Variants in ANKRD62 observed in about 807,000 individuals in gnomAD.
ANKRD62 encodes the protein ankyrin repeat domain 62, also known as ankyrin repeat domain-containing protein 62.
ANKRD62 carries 61 observed loss-of-function variants against 98.8 expected under a neutral mutation model. The ratio of observed to expected loss-of-function variants is 0.62; its 90% CI spans 0.50 to 0.76. ANKRD62 has a LOEUF of 0.76. Among genes scored for constraint, ANKRD62 ranks in the 30% least tolerant of loss-of-function variants. The pLI is 0.00. For synonymous variants in ANKRD62, 341 were observed against 367.9 expected (o/e 0.93, Z 0.84); for missense variants, 933 against 1,082.9 (o/e 0.86, Z 1.94).
chr18:12,122,253 A>G, intron 10 of ANKRD62, 50 bp from the exon 11 acceptor site: 1 of 1,380,034 alleles, frequency 7.2e-7, no homozygotes, highest in African/African-American at 1.5e-5. Flanking sequence ...CTTTATATTT[A>G]AAAACCTACT....
chr18:12,133,025 A>C (rs1910028797), downstream of ANKRD62, among the ~76,000 whole-genome samples: 1 of 152,036 alleles, frequency 6.6e-6, no homozygotes, highest in African/African-American at 2.4e-5. Context: ...CATTTCTAGA[A>C]TTTTTTCATC....
At chr18:12,157,412 C>T in the ANKRD62 span, among the ~76,000 whole-genome samples, 1 of 152,124 alleles carries the variant, frequency 6.6e-6, no homozygotes, top group Non-Finnish European at 1.5e-5. Flanking sequence ...TTACTAATTT[C>T]AACAGATTTT....
In ANKRD62 at chr18:12,125,650, A is replaced by G. The variant is rs1405302902; in HGVS notation, c.1829A>G (p.Asn610Ser). 6.5e-7 allele frequency: 1 copy of G among 1,531,622 alleles called. No individual in the cohort carries two copies. The highest frequency in any genetic ancestry group is 1.2e-5 in the South Asian group (1 of 82,770). The allele number at this position is 1,531,622 out of a possible 1,614,324, so 94.9% of individuals were successfully genotyped here. A position where few individuals can be genotyped will look rare whatever the true frequency, so the allele number is the denominator to read the frequency against. ...NEDLEKTLKR[N>S]EEALTKTITR... ...GACCTTGAAAAGACTCTCAAGCGGAATGAGGAAGCATTAACAAAAACAATA... is the reference window on the plus strand; with the variant it reads ...GACCTTGAAAAGACTCTCAAGCGGAGTGAGGAAGCATTAACAAAAACAATA... The change falls in exon 13 of 14, where the codon AAT (asparagine) becomes AGT (serine). Residue 610 changes from asparagine to serine, a missense_variant. By Grantham distance (46) the Asn-to-Ser change is conservative (BLOSUM62 1). Around this residue, in one of 3 missense-constraint regions of ANKRD62, gnomAD observed 362 missense variants for 434.5 expected, o/e 0.83. Transcript: ENST00000587848.
the ANKRD62 span, among the ~76,000 whole-genome samples, chr18:12,175,876 G>T: frequency 1.3e-5 from 2 of 151,786 alleles, no homozygotes; most frequent in South Asian, 4.1e-4. Context: ...TCAATCTCAG[G>T]ATGCTCTTTA....
the ANKRD62 span, among the ~76,000 whole-genome samples, chr18:12,167,380 G>A: frequency 2.0e-5 from 3 of 152,100 alleles, no homozygotes; most frequent in African/African-American, 7.2e-5. Context: ...GTGAGAACAT[G>A]TGGTGTTTGG....
the ANKRD62 span, among the ~76,000 whole-genome samples, chr18:12,162,120 T>G: frequency 3.3e-5 from 5 of 152,106 alleles, no homozygotes; most frequent in Non-Finnish European, 7.4e-5. Flanking sequence ...GTAGTTTTAT[T>G]AATTTATGTT....
At chr18:12,107,524 T>A in intron 8 of ANKRD62, 57 bp downstream of exon 8, 1 of 1,265,202 alleles carries the variant, frequency 7.9e-7, no homozygotes. Context: ...ATAAAATGAA[T>A]TCTAATTTGG....
At position 12,120,641 on chromosome 18, in the gene ANKRD62, A is replaced by G. The variant is rs189117696; in HGVS notation, c.1241-1662A>G. Among the ~76,000 whole-genome samples the G allele has an allele frequency of 2.6e-5, 4 of 152,264 alleles. No homozygotes were observed. In the East Asian group the frequency reaches 5.8e-4, roughly 22 times the overall value. ...AGTTTCATTTATAATGTGATATTCA[A>G]TATAGTTGTTTGTCTGTCATTGTGC... On this transcript the variant is annotated intron_variant, in intron 10 of 13. Transcript: ENST00000587848.
Position 12,110,381 on chromosome 18 carries a change from A to G in ANKRD62, c.1064+2914A>G, listed in dbSNP as rs539226657. On this transcript the variant is annotated intron_variant, in intron 8 of 13. Coordinates refer to ENST00000587848, the MANE Select transcript of ANKRD62 (RefSeq NM_001277333.2). Reference sequence around the variant, plus strand: ...AGCAAAATGATAATCACTTTTATATAATCTAGAAATGCTCTATAATTTTAT... The same window carrying G: ...AGCAAAATGATAATCACTTTTATATGATCTAGAAATGCTCTATAATTTTAT... Among the ~76,000 whole-genome samples the G allele has an allele frequency of 2.0e-5, 3 of 152,330 alleles. No individual in the cohort carries two copies. In the East Asian group the frequency reaches 5.8e-4, roughly 29 times the overall value.
chr18:12,101,798 A>G (rs1909305111), intron 6 of ANKRD62, among the ~76,000 whole-genome samples: 1 of 152,208 alleles, frequency 6.6e-6, no homozygotes, highest in African/African-American at 2.4e-5. Flanking sequence ...CAGTCTCACA[A>G]TTTCTTAGTC....
intron 10 of ANKRD62, among the ~76,000 whole-genome samples, chr18:12,122,011 A>G (rs1909792259): frequency 6.6e-6 from 1 of 152,140 alleles, no homozygotes; most frequent in Non-Finnish European, 1.5e-5. Context: ...AGCCAAGTAT[A>G]GGTCAGATCC....
chr18:12,153,944 T>C, the ANKRD62 span, among the ~76,000 whole-genome samples: 1 of 152,136 alleles, frequency 6.6e-6, no homozygotes, highest in African/African-American at 2.4e-5. Context: ...ACACCATACA[T>C]ACAAGTCAAC....
Position 12,122,448 on chromosome 18 carries a change from A to G in ANKRD62, c.1386A>G (p.Glu462=). The change falls in exon 11 of 14, where the codon GAA becomes GAG. Residue 462 remains glutamate, a synonymous_variant. Transcript: ENST00000587848. The part of the protein sequence containing the change: ...NISVLQKVLS[E]TDKTKSQSEH... Reference sequence around the variant, plus strand: ...GCGTACTACAAAAGGTACTATCTGAAACAGACAAAACCAAATCACAGTCAG... The same window carrying G: ...GCGTACTACAAAAGGTACTATCTGAGACAGACAAAACCAAATCACAGTCAG... 1 of 1,535,522 alleles carries G rather than the reference A, an allele frequency of 6.5e-7. No homozygotes were observed. The highest frequency in any genetic ancestry group is 8.7e-7 in the Non-Finnish European group (1 of 1,146,698).
chr18:12,096,192 G>T lies in ANKRD62; in HGVS notation c.508-4G>T. 6.6e-7 allele frequency: 1 copy of T among 1,512,300 alleles called. No individual in the cohort carries two copies. The highest frequency in any genetic ancestry group is 8.9e-7 in the Non-Finnish European group (1 of 1,129,794). 93.7% of individuals were successfully genotyped at this position (1,512,300 alleles called of 1,614,324 possible). ...AATTATAAATTGTTTTTGCTGTTTT[G>T]CAGGATGGACATACATCACTTTTAC... On this transcript the variant is annotated splice_region_variant and splice_polypyrimidine_tract_variant and intron_variant, in intron 3 of 13. Coordinates refer to ENST00000587848, the MANE Select transcript of ANKRD62 (RefSeq NM_001277333.2).
chr18:12,167,643 A>G, the ANKRD62 span, among the ~76,000 whole-genome samples: 12 of 152,302 alleles, frequency 7.9e-5, no homozygotes, highest in African/African-American at 2.6e-4. Flanking sequence ...TCCTTTGCGT[A>G]TATACCCAGT....
intron 13 of ANKRD62, 125 bp downstream of exon 13, chr18:12,126,508 A>G (rs1375012116): frequency 1.0e-6 from 1 of 990,772 alleles, no homozygotes; most frequent in Non-Finnish European, 1.4e-6. Context: ...CGGTTCTGCT[A>G]TATCACCTTA....
the ANKRD62 span, among the ~76,000 whole-genome samples, chr18:12,145,703 C>T: frequency 2.6e-5 from 4 of 152,304 alleles, no homozygotes; most frequent in East Asian, 5.8e-4. Flanking sequence ...GAGGGAGAGG[C>T]GGGCCATCTT....
chr18:12,126,036 G>C lies in ANKRD62; in HGVS notation c.2215G>C (p.Gly739Arg), dbSNP rs1909882970. 6.5e-7 allele frequency: 1 copy of C among 1,536,224 alleles called. No homozygotes were observed. Among genetic ancestry groups the C allele is most frequent in the Non-Finnish European group, 8.7e-7 (1 of 1,146,932 alleles). ...EKTLHIEHMQGVLSRTQRRLE... is the reference protein window; with the variant it reads ...EKTLHIEHMQRVLSRTQRRLE... ...GACGTTGCATATAGAACACATGCAAGGAGTCCTAAGCCGAACACAGCGTCG... is the reference window on the plus strand; with the variant it reads ...GACGTTGCATATAGAACACATGCAACGAGTCCTAAGCCGAACACAGCGTCG... Residue 739 changes from glycine (G) to arginine (R), a missense_variant, in exon 13 of 14, where the codon GGA becomes CGA. Around this residue, in one of 3 missense-constraint regions of ANKRD62, gnomAD observed 362 missense variants for 434.5 expected, o/e 0.83. Transcript: ENST00000587848.
chr18:12,095,529 G>T lies in ANKRD62; in HGVS notation c.426G>T (p.Leu142=), dbSNP rs779671539. 157 of 1,561,392 alleles carry T rather than the reference G, an allele frequency of 1.0e-4. No homozygotes were observed. Among genetic ancestry groups the T allele is most frequent in the Non-Finnish European group, 1.3e-4 (150 of 1,159,512 alleles). The change falls in exon 3 of 14, where the codon CTG becomes CTT. Residue 142 remains leucine, a synonymous_variant. Coordinates refer to ENST00000587848, the MANE Select transcript of ANKRD62 (RefSeq NM_001277333.2). ...NVRDMYGNTA[L]HYAIDNENIS... Reference sequence around the variant, plus strand: ...GAGATATGTATGGCAACACTGCTCTGCACTATGCCATTGATAATGAGAATA... The same window carrying T: ...GAGATATGTATGGCAACACTGCTCTTCACTATGCCATTGATAATGAGAATA...
Sources: gnomAD v4.1 joint callset for allele counts (sites outside exome capture counted in the v4.1 genomes callset) on GRCh38, gnomAD v4.1.1 for gene constraint, gnomAD v4.1.1 regional missense constraint, MANE v1.5 for transcripts, NCBI Gene and HGNC (gene_info 2026-07-23, HGNC 2026-07-21) for gene names.